The following OPN5 variants were observed in gnomAD, a reference collection of about 807,000 sequenced individuals.
OPN5 encodes opsin 5, also known as opsin-5.
OPN5 carries 18 observed loss-of-function variants against 41.7 expected under a neutral mutation model. That is an observed-to-expected ratio of 0.43 (90% confidence interval 0.30 to 0.64). The LOEUF is 0.64. Ranked by LOEUF, OPN5 falls within the 30% of genes least tolerant of loss-of-function variation. OPN5 has a pLI of 0.13. For missense variants in OPN5, 318 were observed against 434.5 expected, an observed-to-expected ratio of 0.73 and a Z score of 2.38; for synonymous variants, 178 against 164.3, an observed-to-expected ratio of 1.08 and a Z score of -0.64.
chr6:47,820,457 C>T (rs968223483), intron 6 of OPN5, among the ~76,000 whole-genome samples: 6 of 152,146 alleles, frequency 3.9e-5, no homozygotes, highest in African/African-American at 9.7e-5. Flanking sequence ...TCTTTCATCT[C>T]GCTTGATTTA....
exon 7 of OPN5, chr6:47,824,062 T>G: frequency 7.9e-7 from 1 of 1,259,836 alleles, no homozygotes; most frequent in South Asian, 1.3e-5. Flanking sequence ...AGAAATTAGC[T>G]TACAAATGTT....
chr6:47,808,908 C>G (rs943083926), intron 5 of OPN5, among the ~76,000 whole-genome samples: 4 of 152,082 alleles, frequency 2.6e-5, no homozygotes, highest in African/African-American at 4.8e-5. Flanking sequence ...TATTCTTTTT[C>G]TTTGTCAGAA....
intron 6 of OPN5, among the ~76,000 whole-genome samples, chr6:47,813,617 G>T (rs915502059): frequency 6.6e-6 from 1 of 152,120 alleles, no homozygotes. Context: ...AGAAAGACCA[G>T]TCTGGTGGCA....
At chr6:47,793,737 C>T in intron 3 of OPN5, 5 of 792,418 alleles carry the variant, frequency 6.3e-6, no homozygotes, top group Non-Finnish European at 7.7e-6. Context: ...AATCTACTCC[C>T]TCCTGTACTT....
intron 5 of OPN5, among the ~76,000 whole-genome samples, chr6:47,810,977 T>A (rs911981764): frequency 1.2e-4 from 18 of 152,166 alleles, no homozygotes; most frequent in African/African-American, 3.4e-4. Flanking sequence ...ATTGTTTACC[T>A]CTCCCAGATG....
intron 4 of OPN5, among the ~76,000 whole-genome samples, chr6:47,799,867 G>A (rs891104087): frequency 1.3e-5 from 2 of 152,092 alleles, no homozygotes; most frequent in Non-Finnish European, 2.9e-5. Flanking sequence ...TTATTTCCAT[G>A]TACATCCTCT....
At chr6:47,803,564 C>A (rs947565993) in intron 4 of OPN5, among the ~76,000 whole-genome samples, 2 of 152,190 alleles carry the variant, frequency 1.3e-5, no homozygotes, top group Non-Finnish European at 2.9e-5. Context: ...TCTTTGTTAT[C>A]CCCATTCTAA....
chr6:47,801,799 G>A (rs932285463), intron 4 of OPN5, among the ~76,000 whole-genome samples: 11 of 116,680 alleles, frequency 9.4e-5, no homozygotes, highest in African/African-American at 2.5e-4. Context: ...AGACCTGAGC[G>A]GGTAACAACC....
intron 6 of OPN5, among the ~76,000 whole-genome samples, chr6:47,813,073 ACAACAAC>A (rs1476736389): frequency 1.9e-5 from 1 of 52,658 alleles, no homozygotes; most frequent in Non-Finnish European, 4.8e-5. Context: ...GATTAAAACA[ACAACAAC>A]AACAACAACA....
intron 6 of OPN5, among the ~76,000 whole-genome samples, chr6:47,817,095 C>T (rs908187615): frequency 3.9e-5 from 6 of 152,040 alleles, no homozygotes; most frequent in Non-Finnish European, 8.8e-5. Flanking sequence ...TGCTATGAGA[C>T]ATATTTGCCC....
At chr6:47,821,812 G>A (rs942802975) in intron 6 of OPN5, among the ~76,000 whole-genome samples, 2 of 152,004 alleles carry the variant, frequency 1.3e-5, no homozygotes, top group Non-Finnish European at 2.9e-5. Context: ...CTACAAATCT[G>A]CATTTAAGAA....
intron 4 of OPN5, among the ~76,000 whole-genome samples, chr6:47,807,802 G>A (rs1774033559): frequency 6.6e-6 from 1 of 151,916 alleles, no homozygotes; most frequent in African/African-American, 2.4e-5. Flanking sequence ...TTTCCATCGA[G>A]TTTTTAAGTG....
intron 6 of OPN5, among the ~76,000 whole-genome samples, chr6:47,821,943 C>T (rs1762637433): frequency 1.3e-5 from 2 of 152,176 alleles, no homozygotes; most frequent in South Asian, 4.2e-4. Context: ...CAAAACCCCT[C>T]TCTACTAAAA....
At chr6:47,786,382 G>A in intron 1 of OPN5, 133 bp from the exon 2 acceptor site, 1 of 651,762 alleles carries the variant, frequency 1.5e-6, no homozygotes. Flanking sequence ...TCTTAATTTA[G>A]ATTTTTTTAT....
At chr6:47,805,883 C>T (rs940262558) in intron 4 of OPN5, among the ~76,000 whole-genome samples, 1 of 152,144 alleles carries the variant, frequency 6.6e-6, no homozygotes, top group African/African-American at 2.4e-5. Context: ...GAAGTGATAC[C>T]TGGCATAGCT....
At chr6:47,813,093 AACAACAACAACAACAACAAC>A in intron 6 of OPN5, among the ~76,000 whole-genome samples, 1 of 151,786 alleles carries the variant, frequency 6.6e-6, no homozygotes, top group Admixed American at 6.5e-5. Flanking sequence ...CAACAACAAC[AACAACAACAACAACAACAAC>A]AAGCAACAAC....
At chr6:47,790,014 G>A (rs1773318119) in intron 2 of OPN5, among the ~76,000 whole-genome samples, 1 of 151,920 alleles carries the variant, frequency 6.6e-6, no homozygotes, top group African/African-American at 2.4e-5. Flanking sequence ...CTAATGGAGG[G>A]TCAAGGAATA....
chr6:47,802,119 T>C (rs941258526), intron 4 of OPN5, among the ~76,000 whole-genome samples: 1 of 152,182 alleles, frequency 6.6e-6, no homozygotes, highest in African/African-American at 2.4e-5. Flanking sequence ...TAAAAGACGC[T>C]GAAAAGAACA....
intron 6 of OPN5, among the ~76,000 whole-genome samples, chr6:47,816,918 G>A (rs1762443982): frequency 6.6e-6 from 1 of 152,104 alleles, no homozygotes; most frequent in African/African-American, 2.4e-5. Flanking sequence ...GTAGTGATAG[G>A]TGTGAATCTT....
Sources: gnomAD v4.1 joint callset for allele counts (sites outside exome capture counted in the v4.1 genomes callset) on GRCh38, gnomAD v4.1.1 for gene constraint, MANE v1.5 for transcripts, NCBI Gene and HGNC (gene_info 2026-07-23, HGNC 2026-07-21) for gene names.